The following KCNMA1 variants were observed in gnomAD, a reference collection of about 807,000 sequenced individuals.
KCNMA1 encodes the protein Calcium-activated potassium channel subunit alpha-1.
A neutral mutation model predicts 140.0 loss-of-function variants in KCNMA1; 29 were observed. That is an observed-to-expected ratio of 0.21 (90% CI 0.15 to 0.28). The LOEUF (loss-of-function observed/expected upper bound fraction) is 0.28, where lower values mean the gene tolerates loss of function less well. Among genes scored for constraint, KCNMA1 ranks in the 10% least tolerant of loss-of-function variants. The pLI, the probability that KCNMA1 is intolerant of heterozygous loss-of-function variation, is 1.00. For missense variants in KCNMA1, 880 were observed against 1,602.2 expected, an observed-to-expected ratio of 0.55 and a Z score of 7.70; for synonymous variants, 612 against 611.9, an observed-to-expected ratio of 1.00 and a Z score of 0.00.
chr10:77,408,390 A>T (rs1317691061), intron 1 of KCNMA1, among the ~76,000 whole-genome samples: 2 of 143,808 alleles, frequency 1.4e-5, no homozygotes, highest in African/African-American at 5.5e-5. Context: ...GTGCTCACAC[A>T]TGTGTGTGTG....
Position 76,886,159 on chromosome 10 carries a change from T to C in KCNMA1, c.*1107A>G. On this transcript the variant is annotated 3_prime_UTR_variant, in exon 28 of 28. Transcript: ENST00000286628. ...TGTCGGCTCCTAGAAAAGCATGATC[T>C]GCAGCTGGGTTTGTCTTCCTCTCAC... 1 of 985,458 alleles carries C rather than the reference T, an allele frequency of 1.0e-6. No homozygotes were observed. The highest frequency in any genetic ancestry group is 4.7e-5 in the South Asian group (1 of 21,286). 61.0% of individuals were successfully genotyped at this position (985,458 alleles called of 1,614,324 possible). A position where few individuals can be genotyped will look rare whatever the true frequency, so the allele number is the denominator to read the frequency against.
At chr10:77,085,509 A>C (rs1595640089) in intron 11 of KCNMA1, among the ~76,000 whole-genome samples, 1 of 152,150 alleles carries the variant, frequency 6.6e-6, no homozygotes, top group East Asian at 1.9e-4. Context: ...TTATGTCTGG[A>C]TAATATCAAG....
intron 26 of KCNMA1, chr10:76,889,846 A>T: frequency 2.1e-6 from 1 of 471,568 alleles, no homozygotes; most frequent in Non-Finnish European, 3.9e-6. Context: ...TAAGGAGATT[A>T]TGCTTCTCCC....
intron 2 of KCNMA1, among the ~76,000 whole-genome samples, chr10:77,347,120 A>G (rs898194162): frequency 9.2e-5 from 14 of 152,170 alleles, no homozygotes; most frequent in African/African-American, 3.1e-4. Context: ...GAGTACCAAT[A>G]TCCTGATGTG....
chr10:77,147,493 T>A (rs2098327715), intron 5 of KCNMA1, among the ~76,000 whole-genome samples: 1 of 149,714 alleles, frequency 6.7e-6, no homozygotes, highest in East Asian at 2.1e-4. Flanking sequence ...ATTCAGCCCA[T>A]TCTTCCCTCA....
intron 5 of KCNMA1, among the ~76,000 whole-genome samples, chr10:77,174,068 G>A (rs762050141): frequency 4.6e-5 from 7 of 152,122 alleles, no homozygotes; most frequent in Non-Finnish European, 5.9e-5. Flanking sequence ...CCTCTAGGGG[G>A]CACCAGAGAC....
chr10:77,181,785 G>A (rs978795155), intron 5 of KCNMA1, among the ~76,000 whole-genome samples: 5 of 152,094 alleles, frequency 3.3e-5, no homozygotes, highest in African/African-American at 9.7e-5. Context: ...ATCAGGATAC[G>A]ATAAGCAAAA....
chr10:77,520,176 CTGGGGT>C, intron 1 of KCNMA1, among the ~76,000 whole-genome samples: 1 of 4,478 alleles, frequency 2.2e-4, no homozygotes, highest in African/African-American at 1.1e-3. Context: ...AGTGTGAGGG[CTGGGGT>C]ATGCAGTGTG....
chr10:77,003,140 G>A (rs1333231105), intron 18 of KCNMA1, among the ~76,000 whole-genome samples: 1 of 152,080 alleles, frequency 6.6e-6, no homozygotes, highest in African/African-American at 2.4e-5. Context: ...AGGCACTGGG[G>A]GAGATGAATG....
chr10:77,150,538 AG>A lies in KCNMA1; in HGVS notation c.809-29491del, dbSNP rs530116379. Among the ~76,000 whole-genome samples, 111 of 152,374 alleles carry A rather than the reference AG, an allele frequency of 7.3e-4. 1 individual carries two copies. Among genetic ancestry groups the A allele is most frequent in the African/African-American group, 2.3e-3 (96 of 41,584 alleles). On this transcript the variant is annotated intron_variant, in intron 5 of 27. Coordinates refer to ENST00000286628, the MANE Select transcript of KCNMA1 (RefSeq NM_001161352.2). ...TAAGACACAGTCCCTGCTTTAAAGA[AG>A]TACAAACAATCACCAAAAATAAAAG... is the stretch of plus-strand genomic sequence containing the variant.
At chr10:76,874,579 T>C (rs2032013984), downstream of KCNMA1, 1 of 152,224 alleles carries the variant, frequency 6.6e-6, no homozygotes, top group South Asian at 2.1e-4. Flanking sequence ...TTTTCTCCTT[T>C]CAACATGAAA....
At chr10:77,144,127 AT>A (rs1479466875) in intron 5 of KCNMA1, among the ~76,000 whole-genome samples, 1 of 152,226 alleles carries the variant, frequency 6.6e-6, no homozygotes, top group East Asian at 1.9e-4. Flanking sequence ...AAGGATGTTC[AT>A]AACAGCTTTA....
chr10:77,610,929 G>A (rs546373366), intron 1 of KCNMA1, among the ~76,000 whole-genome samples: 1 of 152,332 alleles, frequency 6.6e-6, no homozygotes, highest in African/African-American at 2.4e-5. Context: ...GTGGTTAGCA[G>A]AGCAAAGCTC....
chr10:76,961,725 T>C (rs183212732), intron 20 of KCNMA1, among the ~76,000 whole-genome samples: 1 of 152,286 alleles, frequency 6.6e-6, no homozygotes, highest in East Asian at 1.9e-4. Context: ...CCACCAACAC[T>C]GAGGCAAGAC....
At chr10:76,897,913 A>T in intron 25 of KCNMA1, among the ~76,000 whole-genome samples, 1 of 152,004 alleles carries the variant, frequency 6.6e-6, no homozygotes, top group East Asian at 1.9e-4. Context: ...TTTTCTAGAC[A>T]ATAATACTTA....
At chr10:77,615,566 CTG>C (rs1170593073) in intron 1 of KCNMA1, among the ~76,000 whole-genome samples, 1 of 152,192 alleles carries the variant, frequency 6.6e-6, no homozygotes, top group Non-Finnish European at 1.5e-5. Context: ...AGGTGGCAAA[CTG>C]AGGCCTCGCC....
chr10:77,567,794 T>A lies in KCNMA1; in HGVS notation c.378+69471A>T, dbSNP rs564449379. ...CTGTAAAACTGTAAATTATTTTTTTTAAAAAAACTGTCTTGGGCCAGGTGC... is the reference window on the plus strand; with the variant it reads ...CTGTAAAACTGTAAATTATTTTTTTAAAAAAAACTGTCTTGGGCCAGGTGC... On this transcript the variant is annotated intron_variant, in intron 1 of 27. Transcript: ENST00000286628. Among the ~76,000 whole-genome samples, 53 of 152,152 alleles carry A rather than the reference T, an allele frequency of 3.5e-4. No homozygotes were observed. The Middle Eastern group carries it at 0.01, about 29-fold the overall frequency.
At chr10:77,270,688 ATTTT>A (rs10584189) in intron 2 of KCNMA1, among the ~76,000 whole-genome samples, 5 of 145,914 alleles carry the variant, frequency 3.4e-5, no homozygotes, top group Non-Finnish European at 6.1e-5. Flanking sequence ...CACCTAGCTA[ATTTT>A]TTTTTTTTTT....
At chr10:77,599,434 C>G (rs2081950835) in intron 1 of KCNMA1, among the ~76,000 whole-genome samples, 1 of 152,136 alleles carries the variant, frequency 6.6e-6, no homozygotes, top group African/African-American at 2.4e-5. Context: ...CTTTCCAAGA[C>G]TTATGTCTCT....
Sources: gnomAD v4.1 joint callset for allele counts (sites outside exome capture counted in the v4.1 genomes callset) on GRCh38, gnomAD v4.1.1 for gene constraint, MANE v1.5 for transcripts, NCBI Gene and HGNC (gene_info 2026-07-23, HGNC 2026-07-21) for gene names.